FAM135A: variants seen among roughly 807,000 people sequenced by gnomAD.
FAM135A encodes the protein family with sequence similarity 135 member A, also known as protein FAM135A.
FAM135A carries 79 observed loss-of-function variants against 146.8 expected under a neutral mutation model. That is an observed-to-expected ratio of 0.54 (90% CI 0.45 to 0.65). The LOEUF is 0.65. FAM135A is among the 30% of genes least tolerant of loss of function. The probability of loss-of-function intolerance (pLI) is 0.00; values close to 1 mark genes in which losing one functional copy is unlikely to be tolerated. For synonymous variants in FAM135A, 562 were observed against 603.6 expected (o/e 0.93, Z 1.01); for missense variants, 1,623 against 1,758.2 (o/e 0.92, Z 1.38).
intron 16 of FAM135A, among the ~76,000 whole-genome samples, chr6:70,529,724 A>C (rs1397473340): frequency 6.6e-6 from 1 of 152,146 alleles, no homozygotes; most frequent in Non-Finnish European, 1.5e-5. Flanking sequence ...TAAAGATATC[A>C]CACCAACACC....
rs1287293532 is a variant in FAM135A, at chr6:70,524,472, G to A, written c.1388G>A (p.Gly463Asp). Residue 463 changes from glycine (G) to aspartate (D), a missense_variant, in exon 15 of 22, where the codon GGT becomes GAT. By Grantham distance (94) the Gly-to-Asp change is moderately conservative (BLOSUM62 -1). Coordinates refer to ENST00000418814, the MANE Select transcript of FAM135A (RefSeq NM_001162529.3). ...SSPELKVRPA[G>D]ASSIWYTEGE... ...CCAGAGTTGAAAGTCAGACCTGCTGGTGCCTCCAGTATTTGGTATACAGAA... is the reference window on the plus strand; with the variant it reads ...CCAGAGTTGAAAGTCAGACCTGCTGATGCCTCCAGTATTTGGTATACAGAA... The A allele has an allele frequency of 3.2e-6, 5 of 1,550,988 alleles. No homozygotes were observed. Among genetic ancestry groups the A allele is most frequent in the African/African-American group, 1.4e-5 (1 of 73,012 alleles).
intron 21 of FAM135A, among the ~76,000 whole-genome samples, chr6:70,558,919 G>A (rs967484965): frequency 5.3e-5 from 8 of 152,170 alleles, no homozygotes; most frequent in East Asian, 1.9e-4. Context: ...CCAAGCTCAC[G>A]TTGTTCATCT....
At chr6:70,474,992 C>T (rs537067767) in intron 5 of FAM135A, among the ~76,000 whole-genome samples, 35 of 152,288 alleles carry the variant, frequency 2.3e-4, no homozygotes, top group African/African-American at 8.4e-4. Context: ...GGCTACTTCT[C>T]AGAAACTGGA....
In FAM135A at chr6:70,470,009, A is replaced by C. The variant is rs181498598; in HGVS notation, c.158-5401A>C. ...CTGTCTCAAAAAAAAGTAGAAAAAA[A>C]AACAACAACAAAAGAACAAGAATGA... On this transcript the variant is annotated intron_variant, in intron 5 of 21. Transcript: ENST00000418814. Among the ~76,000 whole-genome samples, 632 of 152,238 alleles carry C rather than the reference A, an allele frequency of 4.2e-3. 8 individuals carry two copies. Among genetic ancestry groups the C allele is most frequent in the African/African-American group, 0.014 (590 of 41,520 alleles).
intron 12 of FAM135A, chr6:70,504,222 A>G (rs1443180400): frequency 6.6e-6 from 1 of 152,190 alleles, no homozygotes; most frequent in African/African-American, 2.4e-5. Flanking sequence ...CTGATTACCC[A>G]TGCAGTTGAG....
intron 20 of FAM135A, among the ~76,000 whole-genome samples, chr6:70,556,530 AAC>A (rs1410765570): frequency 6.6e-6 from 1 of 152,180 alleles, no homozygotes; most frequent in African/African-American, 2.4e-5. Context: ...TCCCAGTGCA[AAC>A]ACACATTCTT....
Position 70,524,077 on chromosome 6 carries a change from T to C in FAM135A, c.1214T>C (p.Leu405Ser). Residue 405 changes from leucine to serine, a missense_variant, in exon 14 of 22, where the codon TTA becomes TCA. Physicochemically the swap from Leu to Ser is moderately radical, Grantham distance 145. Coordinates refer to ENST00000418814, the MANE Select transcript of FAM135A (RefSeq NM_001162529.3). ...CSELDGDLNS[L>S]PIIFEDRYLD... ...GAATTAGATGGAGATCTCAATTCAT[T>C]ACCTATAATCTTTGAAGATAGGTAT... 6.2e-7 allele frequency: 1 copy of C among 1,612,654 alleles called. No individual in the cohort carries two copies. The highest frequency in any genetic ancestry group is 8.5e-7 in the Non-Finnish European group (1 of 1,179,144).
chr6:70,459,839 C>A (rs1190242499), intron 5 of FAM135A, among the ~76,000 whole-genome samples: 8 of 152,072 alleles, frequency 5.3e-5, no homozygotes, highest in Non-Finnish European at 1.2e-4. Context: ...ACAAGCCTGA[C>A]CAACATCGTG....
At position 70,556,840 on chromosome 6, in the gene FAM135A, C is replaced by A; in HGVS notation, c.4319C>A (p.Thr1440Lys). Residue 1440 changes from threonine to lysine, a missense_variant, in exon 21 of 22, where the codon ACA becomes AAA. By Grantham distance (78) the Thr-to-Lys change is moderately conservative (BLOSUM62 -1). Transcript: ENST00000418814. ...TCTGCCCGCATTGAAATGTGTAAAA[C>A]AGCTTTAAAGGACAAACAGTCAGGT... is the stretch of plus-strand genomic sequence containing the variant. ...YHSARIEMCK[T>K]ALKDKQSGQI... is the part of the protein sequence containing the mutation. 2 of 1,613,768 alleles carry A rather than the reference C, an allele frequency of 1.2e-6. No homozygotes were observed. The highest frequency in any genetic ancestry group is 1.7e-6 in the Non-Finnish European group (2 of 1,179,920).
At chr6:70,499,346 C>T (rs1787997714) in intron 11 of FAM135A, among the ~76,000 whole-genome samples, 1 of 152,132 alleles carries the variant, frequency 6.6e-6, no homozygotes, top group Non-Finnish European at 1.5e-5. Context: ...AAATATTCCT[C>T]CATCCCTTTA....
intron 20 of FAM135A, among the ~76,000 whole-genome samples, chr6:70,545,058 AAAAC>A (rs571192816): frequency 1.4e-4 from 22 of 152,100 alleles, no homozygotes; most frequent in Non-Finnish European, 2.4e-4. Flanking sequence ...TCTCAAAAAA[AAAAC>A]AAACAAAAAC....
intron 9 of FAM135A, 22 bp from the exon 10 acceptor site, chr6:70,481,979 C>A: frequency 1.9e-6 from 3 of 1,604,316 alleles, no homozygotes; most frequent in Non-Finnish European, 2.6e-6. Flanking sequence ...CACTCTGTAT[C>A]CTACATCTGT....
At chr6:70,471,078 A>C (rs1453294130) in intron 5 of FAM135A, among the ~76,000 whole-genome samples, 2 of 152,258 alleles carry the variant, frequency 1.3e-5, no homozygotes, top group African/African-American at 4.8e-5. Flanking sequence ...CTAAAGACCC[A>C]CTTGAAATTA....
intron 2 of FAM135A, among the ~76,000 whole-genome samples, chr6:70,419,870 A>C (rs1439816947): frequency 6.6e-6 from 1 of 152,188 alleles, no homozygotes; most frequent in African/African-American, 2.4e-5. Flanking sequence ...TCAGGTGAAG[A>C]AATCGAATTT....
rs776747688 is a variant in FAM135A at position 70,525,367 on chromosome 6, A to G, written c.2283A>G (p.Thr761=). ...TTAAGTTACCAGATATTAGTGCCAC[A>G]TATGCCTCATCTAGATTTTCAGATT... ...DTIKLPDISA[T]YASSRFSDSG... is the part of the protein sequence containing the mutation. The change falls in exon 15 of 22, where the codon ACA becomes ACG. Residue 761 remains threonine (T), a synonymous_variant. Transcript: ENST00000418814. 107 of 1,613,614 alleles carry G rather than the reference A, an allele frequency of 6.6e-5. No homozygotes were observed. Among genetic ancestry groups the G allele is most frequent in the Admixed American group, 1.5e-4 (9 of 59,982 alleles).
chr6:70,511,334 G>A (rs764292248), intron 12 of FAM135A, among the ~76,000 whole-genome samples: 12 of 151,812 alleles, frequency 7.9e-5, no homozygotes, highest in Non-Finnish European at 1.8e-4. Flanking sequence ...TGTAAATTAA[G>A]ATAAATATAT....
intron 12 of FAM135A, among the ~76,000 whole-genome samples, chr6:70,515,672 C>T (rs957843300): frequency 6.6e-6 from 1 of 152,056 alleles, no homozygotes; most frequent in Non-Finnish European, 1.5e-5. Context: ...CTGTATGATA[C>T]TGTAATGGTA....
intron 4 of FAM135A, among the ~76,000 whole-genome samples, chr6:70,433,612 T>G (rs1419452979): frequency 6.6e-6 from 1 of 152,020 alleles, no homozygotes; most frequent in African/African-American, 2.4e-5. Context: ...GCGTTTGTGG[T>G]CAGCTGTGGA....
intron 5 of FAM135A, among the ~76,000 whole-genome samples, chr6:70,463,102 A>G (rs182305202): frequency 4.6e-5 from 7 of 152,240 alleles, no homozygotes; most frequent in East Asian, 3.9e-4. Context: ...TGTGGATTCA[A>G]TGGAACTACT....
Sources: gnomAD v4.1 joint callset for allele counts (sites outside exome capture counted in the v4.1 genomes callset) on GRCh38, gnomAD v4.1.1 for gene constraint, MANE v1.5 for transcripts, NCBI Gene and HGNC (gene_info 2026-07-23, HGNC 2026-07-21) for gene names.